The following RP1L1 variants were observed in gnomAD, a reference collection of about 807,000 sequenced individuals.
RP1L1 encodes retinitis pigmentosa 1-like 1 protein.
Under a neutral mutation model 15.7 loss-of-function variants are expected in RP1L1, and 27 were observed. That is an observed-to-expected ratio of 1.72 (90% CI 1.27 to 2.38). RP1L1 has a LOEUF of 2.38. Among genes scored for constraint, RP1L1 ranks in the 30% most tolerant of loss-of-function variants. The probability of loss-of-function intolerance (pLI) is 0.00; values close to 1 mark genes in which losing one functional copy is unlikely to be tolerated. For synonymous variants in RP1L1, 1,813 were observed against 1,276.7 expected (o/e 1.42, Z -8.96); for missense variants, 4,798 against 3,075.9 (o/e 1.56, Z -13.24).
chr8:10,642,093 T>G (rs1274399408), intron 1 of RP1L1, among the ~76,000 whole-genome samples: 2 of 152,202 alleles, frequency 1.3e-5, no homozygotes, highest in African/African-American at 4.8e-5. Context: ...GGAAACTGGG[T>G]GAAGACTATA....
At chr8:10,625,188 A>C (rs1199988614) in intron 1 of RP1L1, among the ~76,000 whole-genome samples, 1 of 152,108 alleles carries the variant, frequency 6.6e-6, no homozygotes, top group Non-Finnish European at 1.5e-5. Context: ...GCAGGGGAAG[A>C]CCTGACCTCT....
Position 10,612,989 on chromosome 8 carries a change from T to A in RP1L1, c.1109A>T (p.Glu370Val). 2 of 1,613,198 alleles carry A rather than the reference T, an allele frequency of 1.2e-6. No individual in the cohort carries two copies. The highest frequency in any genetic ancestry group is 1.7e-6 in the Non-Finnish European group (2 of 1,179,890). ...CTCTGAGAAGCCCCAAGGGTAGCCC[T>A]CCCACACACAGCAGAGGGGGTCTAC... is the stretch of plus-strand genomic sequence containing the variant. ...GEVDPLCCVW[E>V]GYPWGFSEPG... is the part of the protein sequence containing the mutation. Residue 370 changes from glutamate (E) to valine (V), a missense_variant, in exon 4 of 4, where the codon GAG (glutamate) becomes GTG (valine). Glu to Val is a moderately radical substitution (Grantham distance 121). Coordinates refer to ENST00000382483, the MANE Select transcript of RP1L1 (RefSeq NM_178857.6).
At chr8:10,639,558 A>G (rs1798379099) in intron 1 of RP1L1, among the ~76,000 whole-genome samples, 1 of 151,966 alleles carries the variant, frequency 6.6e-6, no homozygotes, top group Non-Finnish European at 1.5e-5. Flanking sequence ...CTTTTTGTAG[A>G]TATGGGGGTC....
intron 1 of RP1L1, among the ~76,000 whole-genome samples, chr8:10,640,670 T>A (rs144587570): frequency 0.01 from 1,509 of 150,700 alleles, 9 homozygotes; most frequent in Admixed American, 0.015. Context: ...TAATAATAAT[T>A]ATTATTATTA....
At position 10,610,529 on chromosome 8, in the gene RP1L1, G is replaced by T; in HGVS notation, c.3569C>A (p.Thr1190Lys). ...ALPDLGSHAMTENFTPTSSSG... is the reference protein window; with the variant it reads ...ALPDLGSHAMKENFTPTSSSG... The stretch of plus-strand genomic sequence containing the variant: ...GGAGGATGTGGGCGTGAAGTTCTCC[G>T]TCATGGCATGGGACCCAAGGTCTGG... The change falls in exon 4 of 4, where the codon ACG (threonine) becomes AAG (lysine). Residue 1190 changes from threonine to lysine, a missense_variant. Physicochemically the swap from Thr to Lys is moderately conservative, Grantham distance 78 (BLOSUM62 -1). Coordinates refer to ENST00000382483, the MANE Select transcript of RP1L1 (RefSeq NM_178857.6). The T allele has an allele frequency of 2.5e-6, 4 of 1,613,750 alleles. No individual in the cohort carries two copies. Among genetic ancestry groups the T allele is most frequent in the Non-Finnish European group, 3.4e-6 (4 of 1,180,030 alleles).
At chr8:10,626,242 G>C (rs1203952854) in intron 1 of RP1L1, among the ~76,000 whole-genome samples, 1 of 126,930 alleles carries the variant, frequency 7.9e-6, no homozygotes, top group Admixed American at 9.1e-5. Context: ...AATAGCGGGA[G>C]GATGGGGGAG....
intron 2 of RP1L1, among the ~76,000 whole-genome samples, chr8:10,618,113 G>C (rs371230677): frequency 1.3e-5 from 2 of 152,296 alleles, no homozygotes; most frequent in Middle Eastern, 3.4e-3. Context: ...TCCAAGCATT[G>C]ATGTTGGCTC....
chr8:10,607,576 T>C lies in RP1L1; in HGVS notation c.6522A>G (p.Gln2174=), dbSNP rs780796353. The C allele has an allele frequency of 7.1e-5, 103 of 1,455,550 alleles. No individual in the cohort carries two copies. The Middle Eastern group carries it at 2.2e-3, about 32-fold the overall frequency. 90.2% of individuals were successfully genotyped at this position (1,455,550 alleles called of 1,614,324 possible). The part of the protein sequence containing the change: ...IEAQEAEEEA[Q]PELEGVEAPE... ...GGGCCTCTACACCTTCTAACTCTGGTTGGGCCTCCTCTTCAGCCTCCTGGG... is the reference window on the plus strand; with the variant it reads ...GGGCCTCTACACCTTCTAACTCTGGCTGGGCCTCCTCTTCAGCCTCCTGGG... Residue 2174 remains glutamine, a synonymous_variant, in exon 4 of 4, where the codon CAA becomes CAG. Transcript: ENST00000382483.
intron 1 of RP1L1, among the ~76,000 whole-genome samples, chr8:10,648,097 T>C (rs1002246152): frequency 2.6e-5 from 4 of 151,984 alleles, no homozygotes; most frequent in African/African-American, 7.2e-5. Flanking sequence ...AGTGGCGCCA[T>C]CTCGGCTCAC....
chr8:10,654,740 A>T (rs1477988820), intron 1 of RP1L1, among the ~76,000 whole-genome samples, 158 bp downstream of exon 1: 3 of 152,222 alleles, frequency 2.0e-5, no homozygotes, highest in Admixed American at 2.0e-4. Flanking sequence ...TGCAGAAGAG[A>T]ACCGATCCTG....
chr8:10,610,994 C>A lies in RP1L1; in HGVS notation c.3104G>T (p.Gly1035Val). Residue 1035 changes from glycine (G) to valine (V), a missense_variant, in exon 4 of 4, where the codon GGT becomes GTT. Gly to Val is a moderately radical substitution (Grantham distance 109). Coordinates refer to ENST00000382483, the MANE Select transcript of RP1L1 (RefSeq NM_178857.6). ...GGGGACACCCTCTCCTGATTGGGGA[C>A]CAGTGTCACTACTCCCCAGGAGGGC... ...EGALLGSSDTGPQSGEGVPQG... is the reference protein window; with the variant it reads ...EGALLGSSDTVPQSGEGVPQG... 3 of 1,612,654 alleles carry A rather than the reference C, an allele frequency of 1.9e-6. No individual in the cohort carries two copies. Among genetic ancestry groups the A allele is most frequent in the Non-Finnish European group, 2.5e-6 (3 of 1,179,940 alleles).
intron 1 of RP1L1, among the ~76,000 whole-genome samples, chr8:10,628,620 T>A (rs1798194134): frequency 6.6e-6 from 1 of 152,250 alleles, no homozygotes; most frequent in African/African-American, 2.4e-5. Context: ...CCCGGTGGTA[T>A]GACTTCAAAA....
intron 1 of RP1L1, among the ~76,000 whole-genome samples, chr8:10,627,742 G>A (rs1798180730): frequency 6.6e-6 from 1 of 152,166 alleles, no homozygotes. Context: ...TCTTCCCTAA[G>A]CCAATTCCTA....
intron 1 of RP1L1, among the ~76,000 whole-genome samples, chr8:10,653,913 C>T (rs1264549587): frequency 2.0e-5 from 3 of 152,110 alleles, no homozygotes; most frequent in South Asian, 2.1e-4. Flanking sequence ...GGTGCCCTCC[C>T]GCGACCTCCT....
chr8:10,653,336 T>C (rs1401329914), intron 1 of RP1L1, among the ~76,000 whole-genome samples: 7 of 152,224 alleles, frequency 4.6e-5, no homozygotes, highest in Non-Finnish European at 8.8e-5. Flanking sequence ...CCAGACCCCT[T>C]GATTTCCACC....
In RP1L1 at chr8:10,623,044, A is replaced by G. The variant is rs2117227014; in HGVS notation, c.158T>C (p.Val53Ala). ...DPRFAGVRLA[V>A]HQRAFKTFSA... ...GAAGGTCTTAAAGGCGCGCTGGTGA[A>G]CGGCCAGGCGGACCCCAGCAAACCG... The change falls in exon 2 of 4, where the codon GTT becomes GCT. Residue 53 changes from valine to alanine, a missense_variant. Physicochemically the swap from Val to Ala is moderately conservative, Grantham distance 64. Coordinates refer to ENST00000382483, the MANE Select transcript of RP1L1 (RefSeq NM_178857.6). 6.2e-7 allele frequency: 1 copy of G among 1,614,070 alleles called. No homozygotes were observed. Among genetic ancestry groups the G allele is most frequent in the Non-Finnish European group, 8.5e-7 (1 of 1,179,998 alleles).
chr8:10,632,566 A>G (rs994877302), intron 1 of RP1L1, among the ~76,000 whole-genome samples: 3 of 151,958 alleles, frequency 2.0e-5, no homozygotes, highest in Non-Finnish European at 4.4e-5. Flanking sequence ...TCTCCTGCCA[A>G]CTCACGGCCT....
At position 10,613,284 on chromosome 8, in the gene RP1L1, G is replaced by C. The variant is rs77833234; in HGVS notation, c.814C>G (p.Pro272Ala). The change falls in exon 4 of 4, where the codon CCA (proline) becomes GCA (alanine). Residue 272 changes from proline (P) to alanine (A), a missense_variant. Physicochemically the swap from Pro to Ala is conservative, Grantham distance 27. Coordinates refer to ENST00000382483, the MANE Select transcript of RP1L1 (RefSeq NM_178857.6). Reference protein sequence around the residue: ...IHSRSPPGSTPRLPERPGPSN... With the variant: ...IHSRSPPGSTARLPERPGPSN... ...GGACCAGGCCTTTCTGGCAGCCGTGGCGTGCTGCCTGGCGGAGACCGCGAA... is the reference window on the plus strand; with the variant it reads ...GGACCAGGCCTTTCTGGCAGCCGTGCCGTGCTGCCTGGCGGAGACCGCGAA... The C allele has an allele frequency of 5.9e-4, 948 of 1,606,904 alleles. 8 individuals are homozygous for C. In the African/African-American group the frequency reaches 0.011, roughly 18 times the overall value.
rs777801266 is a variant in RP1L1, at chr8:10,608,855, C to T, written c.5243G>A (p.Gly1748Glu). 3 of 1,614,018 alleles carry T rather than the reference C, an allele frequency of 1.9e-6. No homozygotes were observed. Among genetic ancestry groups the T allele is most frequent in the Non-Finnish European group, 2.5e-6 (3 of 1,180,046 alleles). ...PGVDEGEDGE[G>E]SQRLNRDKDP... ...TTTGTCTCTGTTGAGTCTCTGGCTC[C>T]CCTCGCCATCCTCACCCTCGTCCAC... Residue 1748 changes from glycine to glutamate, a missense_variant, in exon 4 of 4, where the codon GGG becomes GAG. Physicochemically the swap from Gly to Glu is moderately conservative, Grantham distance 98. Transcript: ENST00000382483.
Sources: gnomAD v4.1 joint callset for allele counts (sites outside exome capture counted in the v4.1 genomes callset) on GRCh38, gnomAD v4.1.1 for gene constraint, MANE v1.5 for transcripts, NCBI Gene and HGNC (gene_info 2026-07-23, HGNC 2026-07-21) for gene names.